DNAH1: variants seen among roughly 807,000 people sequenced by gnomAD.
The protein encoded by DNAH1 is dynein axonemal heavy chain 1.
In DNAH1, 327 loss-of-function variants were observed where a neutral mutation model predicts 484.3. The observed-to-expected ratio is 0.68, with a 90% confidence interval of 0.62 to 0.74. The LOEUF (loss-of-function observed/expected upper bound fraction) is 0.74, where lower values mean the gene tolerates loss of function less well. Ranked by LOEUF, DNAH1 falls within the 30% of genes least tolerant of loss-of-function variation. The pLI, the probability that DNAH1 is intolerant of heterozygous loss-of-function variation, is 0.00. For synonymous variants in DNAH1, 2,192 were observed against 2,191.9 expected (o/e 1.00, Z 0.00); for missense variants, 5,052 against 5,546.8 (o/e 0.91, Z 2.83).
chr3:52,361,029 C>T lies in DNAH1; in HGVS notation c.4686-135C>T, dbSNP rs534053947. 3.0e-4 allele frequency: 249 copies of T among 820,608 alleles called. No homozygotes were observed. Among genetic ancestry groups the T allele is most frequent in the African/African-American group, 3.9e-4 (22 of 56,180 alleles). 50.8% of individuals were successfully genotyped at this position (820,608 alleles called of 1,614,324 possible). Reference sequence around the variant, plus strand: ...TGTCCACAGGCTCCAGTCCTGACCCCGGAGCCAGGGCTGGGCACACCCCAG... The same window carrying T: ...TGTCCACAGGCTCCAGTCCTGACCCTGGAGCCAGGGCTGGGCACACCCCAG... On this transcript the variant is annotated intron_variant, in intron 28 of 77. Transcript: ENST00000420323. The surrounding 1 kb of genome is among the most constrained non-coding windows in gnomAD (Gnocchi z 5.6).
Position 52,359,350 on chromosome 3 carries a change from C to A in DNAH1, c.4371C>A (p.Asn1457Lys), listed in dbSNP as rs1437607164. Residue 1457 changes from asparagine (N) to lysine (K), a missense_variant, in exon 26 of 78, where the codon AAC becomes AAA. Asn to Lys is a moderately conservative substitution (Grantham distance 94, BLOSUM62 0). This residue lies in a region of DNAH1 where 2,929 missense variants were observed against 3,409.4 expected (regional missense o/e 0.86). Coordinates refer to ENST00000420323, the MANE Select transcript of DNAH1 (RefSeq NM_015512.5). Reference protein sequence around the residue: ...MEVAEALEAGNLRSQLFPQLC... With the variant: ...MEVAEALEAGKLRSQLFPQLC... ...TGGCAGAGGCTCTGGAGGCCGGCAA[C>A]CTCAGAAGCCAACTGTTCCCCCAGC... 2 of 1,570,914 alleles carry A rather than the reference C, an allele frequency of 1.3e-6. No individual in the cohort carries two copies. The highest frequency in any genetic ancestry group is 1.2e-5 in the South Asian group (1 of 85,472).
At chr3:52,343,977 G>T (rs1312544201) in intron 8 of DNAH1, among the ~76,000 whole-genome samples, 1 of 152,230 alleles carries the variant, frequency 6.6e-6, no homozygotes, top group Non-Finnish European at 1.5e-5. Flanking sequence ...TCGGAGCCCA[G>T]TTTCAAAGTG....
intron 5 of DNAH1, among the ~76,000 whole-genome samples, chr3:52,327,149 G>A (rs188814036): frequency 2.6e-5 from 4 of 151,808 alleles, no homozygotes; most frequent in South Asian, 2.1e-4. Context: ...CTCGGCCTCC[G>A]TGCCACCCAT....
chr3:52,379,183 G>C lies in DNAH1; in HGVS notation c.7377+403G>C, dbSNP rs576113264. ...AGGGGTGGGTCCAGGCACTAGGCAC[G>C]GTGGGGGGCCAACATGGAGCTTAAA... On this transcript the variant is annotated intron_variant, in intron 47 of 77. Coordinates refer to ENST00000420323, the MANE Select transcript of DNAH1 (RefSeq NM_015512.5). The surrounding 1 kb of genome is among the most constrained non-coding windows in gnomAD (Gnocchi z 4.4). 6.6e-6 allele frequency among the ~76,000 whole-genome samples: 1 copy of C among 152,174 alleles called. No homozygotes were observed. Among genetic ancestry groups the C allele is most frequent in the Non-Finnish European group, 1.5e-5 (1 of 68,022 alleles).
chr3:52,358,112 AT>A lies in DNAH1; in HGVS notation c.4086+111del. ...TTTAGCAGGAAATGTGGCAAATGAC[AT>A]TCCTGGTCTTTGGAGACACACCTGG... On this transcript the variant is annotated intron_variant, in intron 24 of 77. Transcript: ENST00000420323. This position sits in a 1 kb window ranked among gnomAD's most constrained non-coding sequence, Gnocchi z 4.2. 2.2e-6 allele frequency: 2 copies of A among 889,298 alleles called. No individual in the cohort carries two copies. Among genetic ancestry groups the A allele is most frequent in the Non-Finnish European group, 3.4e-6 (2 of 596,138 alleles). The allele number at this position is 889,298 out of a possible 1,614,324, so 55.1% of individuals were successfully genotyped here.
rs1386228816 is a variant in DNAH1, at chr3:52,381,103, T to TTG, written c.7609-525_7609-524dup. On this transcript the variant is annotated intron_variant, in intron 48 of 77. Transcript: ENST00000420323. This position sits in a 1 kb window ranked among gnomAD's most constrained non-coding sequence, Gnocchi z 4.1. ...GTTTTATTTTTGCTTTTGTTTTTGT[T>TTG]TGTGTGTGTGTGTATGTGACTGGGT... Among the ~76,000 whole-genome samples the TTG allele has an allele frequency of 6.6e-6, 1 of 151,516 alleles. No individual in the cohort carries two copies. The highest frequency in any genetic ancestry group is 1.5e-5 in the Non-Finnish European group (1 of 67,824).
At chr3:52,326,093 G>A in intron 3 of DNAH1, 47 bp from the exon 4 acceptor site, 1 of 1,441,842 alleles carries the variant, frequency 6.9e-7, no homozygotes, top group Non-Finnish European at 9.2e-7. Flanking sequence ...CTGGTTTTTG[G>A]GTGCTGGCCT....
chr3:52,385,537 A>G, intron 54 of DNAH1, 90 bp downstream of exon 54: 1 of 1,037,218 alleles, frequency 9.6e-7, no homozygotes, highest in East Asian at 2.6e-5. Flanking sequence ...CTGCCTGGCC[A>G]CTGCAAGTCA....
rs769545741 is a variant in DNAH1 at position 52,396,834 on chromosome 3, C to T, written c.11611-34C>T. The T allele has an allele frequency of 1.7e-5, 27 of 1,611,714 alleles. No individual in the cohort carries two copies. In the Middle Eastern group the frequency reaches 4.9e-4, roughly 29 times the overall value. On this transcript the variant is annotated intron_variant, in intron 72 of 77. Coordinates refer to ENST00000420323, the MANE Select transcript of DNAH1 (RefSeq NM_015512.5). ...GCAGACTGGGGCCTGGGGGACTGGGCACTTAGGGGAGCCCTCACCCACCCA... is the reference window on the plus strand; with the variant it reads ...GCAGACTGGGGCCTGGGGGACTGGGTACTTAGGGGAGCCCTCACCCACCCA...
intron 14 of DNAH1, among the ~76,000 whole-genome samples, chr3:52,349,747 T>C (rs1702294145): frequency 6.6e-6 from 1 of 152,180 alleles, no homozygotes; most frequent in Non-Finnish European, 1.5e-5. Context: ...GCCCTGCGTG[T>C]GTTGGTAGGG....
chr3:52,374,550 T>A, intron 44 of DNAH1: 1 of 1,499,796 alleles, frequency 6.7e-7, no homozygotes, highest in South Asian at 1.1e-5. Context: ...CTTCCGGCAG[T>A]TGGCCAAATG....
chr3:52,344,639 C>T lies in DNAH1; in HGVS notation c.1436C>T (p.Pro479Leu), dbSNP rs746620362. Reference protein sequence around the residue: ...TLPKKEEEQVPERGLVSVPKY... With the variant: ...TLPKKEEEQVLERGLVSVPKY... ...CCCAAGAAGGAGGAGGAGCAGGTGC[C>T]TGAGCGAGGTGAGGGTCACTGGACC... is the stretch of plus-strand genomic sequence containing the variant. Residue 479 changes from proline to leucine, a missense_variant, in exon 9 of 78, where the codon CCT becomes CTT. Pro to Leu is a moderately conservative substitution (Grantham distance 98). This residue lies in a region of DNAH1 where 1,263 missense variants were observed against 1,218.8 expected (regional missense o/e 1.04). Transcript: ENST00000420323. 2 of 1,613,036 alleles carry T rather than the reference C, an allele frequency of 1.2e-6. No individual in the cohort carries two copies. Among genetic ancestry groups the T allele is most frequent in the Non-Finnish European group, 8.5e-7 (1 of 1,179,660 alleles).
At position 52,396,710 on chromosome 3, in the gene DNAH1, C is replaced by T; in HGVS notation, c.11523C>T (p.Ile3841=). 6.2e-7 allele frequency: 1 copy of T among 1,613,824 alleles called. No individual in the cohort carries two copies. Among genetic ancestry groups the T allele is most frequent in the Non-Finnish European group, 8.5e-7 (1 of 1,179,894 alleles). The change falls in exon 72 of 78, where the codon ATC becomes ATT. Residue 3841 remains isoleucine, a synonymous_variant. Transcript: ENST00000420323. The stretch of plus-strand genomic sequence containing the variant: ...AGTTTGGGCCCCTGGGCTTCAACAT[C>T]CCCTATGAGTTCACGGATGGAGATC... The part of the protein sequence containing the change: ...RRKFGPLGFN[I]PYEFTDGDLR...
At position 52,391,313 on chromosome 3, in the gene DNAH1, A is replaced by G. The variant is rs1704369838; in HGVS notation, c.9876A>G (p.Pro3292=). 6.2e-7 allele frequency: 1 copy of G among 1,610,640 alleles called. No individual in the cohort carries two copies. Residue 3292 remains proline (P), a synonymous_variant, in exon 62 of 78, where the codon CCA becomes CCG. Coordinates refer to ENST00000420323, the MANE Select transcript of DNAH1 (RefSeq NM_015512.5). ...VGEELDPALE[P]VLLKQTYKQQ... is the part of the protein sequence containing the mutation. ...AGGAGCTAGACCCAGCCCTGGAGCC[A>G]GTGCTGCTCAAGCAGGTGGGTCTGC...
In DNAH1 at chr3:52,382,270, C is replaced by T. The variant is rs1475225546; in HGVS notation, c.7806-50C>T. On this transcript the variant is annotated intron_variant, in intron 49 of 77. Coordinates refer to ENST00000420323, the MANE Select transcript of DNAH1 (RefSeq NM_015512.5). ...GGTGTGGTCACCCACCACCCTTCAGCGTCTGGCCCCAAGTCCCTGGCATGC... is the reference window on the plus strand; with the variant it reads ...GGTGTGGTCACCCACCACCCTTCAGTGTCTGGCCCCAAGTCCCTGGCATGC... 3 of 1,613,414 alleles carry T rather than the reference C, an allele frequency of 1.9e-6. No individual in the cohort carries two copies. In the African/African-American group the frequency reaches 4.0e-5, roughly 22 times the overall value.
In DNAH1 at chr3:52,349,400, C is replaced by A; in HGVS notation, c.2506C>A (p.Leu836Met). 2 of 1,613,878 alleles carry A rather than the reference C, an allele frequency of 1.2e-6. No homozygotes were observed. Among genetic ancestry groups the A allele is most frequent in the Non-Finnish European group, 8.5e-7 (1 of 1,179,880 alleles). Residue 836 changes from leucine (L) to methionine (M), a missense_variant, in exon 14 of 78, where the codon CTG becomes ATG. Physicochemically the swap from Leu to Met is conservative, Grantham distance 15. Transcript: ENST00000420323. ...TSVLDILAKN[L>M]HKEVDSICEE... ...CGTGCTGGACATCCTTGCCAAGAAC[C>A]TGCATAAGGAGGTGGATAGCGTAAG...
At position 52,359,513 on chromosome 3, in the gene DNAH1, G is replaced by A. The variant is rs1392985785; in HGVS notation, c.4407+127G>A. On this transcript the variant is annotated intron_variant, in intron 26 of 77. Transcript: ENST00000420323. Reference sequence around the variant, plus strand: ...GGCCTGGGGTTGGGTCTAAAGGGGAGGTCAGACACCCTTGAAGTGTCTCAC... The same window carrying A: ...GGCCTGGGGTTGGGTCTAAAGGGGAAGTCAGACACCCTTGAAGTGTCTCAC... The A allele has an allele frequency of 8.4e-6, 11 of 1,306,878 alleles. No individual in the cohort carries two copies. The Admixed American group carries it at 2.2e-4, about 26-fold the overall frequency. The allele number at this position is 1,306,878 out of a possible 1,614,324, so 81.0% of individuals were successfully genotyped here.
chr3:52,325,559 T>TC (rs536261803), intron 3 of DNAH1, among the ~76,000 whole-genome samples: 19 of 152,166 alleles, frequency 1.2e-4, no homozygotes, highest in South Asian at 2.1e-4. Flanking sequence ...AATGGGTCTC[T>TC]CCCCACCAAC....
intron 3 of DNAH1, 97 bp from the exon 4 acceptor site, chr3:52,326,043 G>A (rs939447548): frequency 3.9e-5 from 50 of 1,268,436 alleles, no homozygotes; most frequent in African/African-American, 2.9e-4. Flanking sequence ...ACACTCCAAA[G>A]CATACTACCT....
Sources: gnomAD v4.1 joint callset for allele counts (sites outside exome capture counted in the v4.1 genomes callset) on GRCh38, gnomAD v4.1.1 for gene constraint, gnomAD v4.1.1 regional missense constraint, Gnocchi (gnomAD v3.1) non-coding constraint, MANE v1.5 for transcripts, NCBI Gene and HGNC (gene_info 2026-07-23, HGNC 2026-07-21) for gene names.